Variants in DOCK9 observed in about 807,000 individuals in gnomAD.
DOCK9 encodes dedicator of cytokinesis protein 9.
A neutral mutation model predicts 263.3 loss-of-function variants in DOCK9; 89 were observed. The ratio of observed to expected loss-of-function variants is 0.34; its 90% CI spans 0.28 to 0.40. DOCK9 has a LOEUF of 0.40. Ranked by LOEUF, DOCK9 falls within the 10% of genes least tolerant of loss-of-function variation. The pLI is 1.00. For synonymous variants in DOCK9, 976 were observed against 973.1 expected (o/e 1.00, Z -0.06); for missense variants, 2,140 against 2,603.4 (o/e 0.82, Z 3.87).
chr13:98,968,603 G>A (rs2141280772), intron 1 of DOCK9, among the ~76,000 whole-genome samples: 1 of 152,326 alleles, frequency 6.6e-6, no homozygotes, highest in Non-Finnish European at 1.5e-5. Flanking sequence ...CTGGGTGACA[G>A]AGCAAGACTC....
chr13:99,066,975 G>T (rs1405748583), intron 1 of DOCK9, among the ~76,000 whole-genome samples: 1 of 152,212 alleles, frequency 6.6e-6, no homozygotes, highest in Admixed American at 6.5e-5. Context: ...CAAAAGGAGT[G>T]TAATAGATAA....
chr13:98,996,958 T>A (rs150289509), intron 1 of DOCK9, among the ~76,000 whole-genome samples: 2 of 152,334 alleles, frequency 1.3e-5, no homozygotes, highest in Admixed American at 6.5e-5. Flanking sequence ...GTCCAATCGG[T>A]ACTCATTCCT....
At chr13:98,823,825 G>A (rs866489857) in intron 45 of DOCK9, among the ~76,000 whole-genome samples, 10 of 152,176 alleles carry the variant, frequency 6.6e-5, no homozygotes, top group South Asian at 2.1e-4. Flanking sequence ...ACATTGCTAC[G>A]GTGATCTAAT....
In DOCK9 at chr13:98,884,148, G is replaced by A. The variant is rs1000389938; in HGVS notation, c.2383-249C>T. On this transcript the variant is annotated intron_variant, in intron 21 of 52. Transcript: ENST00000682017. ...TTTCTGTTTCTTTGCAGCTGTGTGA[G>A]TTATTGTTCATTTGAGAGGGAAAGA... Among the ~76,000 whole-genome samples, 5 of 152,322 alleles carry A rather than the reference G, an allele frequency of 3.3e-5. 1 individual carries two copies. The highest frequency in any genetic ancestry group is 3.3e-4 in the Admixed American group (5 of 15,294).
At chr13:99,064,693 G>C (rs186892428) in intron 1 of DOCK9, among the ~76,000 whole-genome samples, 164 of 152,302 alleles carry the variant, frequency 1.1e-3, no homozygotes, top group Admixed American at 2.2e-3. Context: ...GCATGGAAAG[G>C]ACATTCCTGA....
intron 1 of DOCK9, chr13:99,015,510 G>A: frequency 6.3e-7 from 1 of 1,598,022 alleles, no homozygotes. Context: ...TATATTCAAG[G>A]GCATTATTCT....
At chr13:98,877,164 A>C (rs2043988806) in intron 27 of DOCK9, among the ~76,000 whole-genome samples, 1 of 152,202 alleles carries the variant, frequency 6.6e-6, no homozygotes, top group South Asian at 2.1e-4. Flanking sequence ...GGACTCTGCC[A>C]CAAGTTCTTG....
At chr13:98,822,826 T>C (rs2092350342) in intron 45 of DOCK9, among the ~76,000 whole-genome samples, 1 of 152,242 alleles carries the variant, frequency 6.6e-6, no homozygotes, top group African/African-American at 2.4e-5. Context: ...TCTTAATATT[T>C]AAACATGAAG....
At chr13:98,809,557 T>C (rs2091099701) in intron 46 of DOCK9, 92 bp from the exon 47 acceptor site, 1 of 1,026,688 alleles carries the variant, frequency 9.7e-7, no homozygotes, top group Non-Finnish European at 1.4e-6. Context: ...TGAAAAGTCC[T>C]TGAACTTGAA....
chr13:98,803,938 ATTTT>A (rs34751334), intron 49 of DOCK9, among the ~76,000 whole-genome samples: 6 of 142,358 alleles, frequency 4.2e-5, no homozygotes, highest in Non-Finnish European at 7.7e-5. Context: ...AAAAACCTGT[ATTTT>A]TTTTTTTTTT....
chr13:99,015,097 T>C (rs534263391), intron 1 of DOCK9, among the ~76,000 whole-genome samples: 23 of 152,332 alleles, frequency 1.5e-4, no homozygotes, highest in Admixed American at 1.2e-3. Context: ...TAATTCACTA[T>C]AACTGGGAGA....
chr13:98,992,271 AG>A (rs1236130364), intron 1 of DOCK9, among the ~76,000 whole-genome samples: 1 of 152,004 alleles, frequency 6.6e-6, no homozygotes, highest in Non-Finnish European at 1.5e-5. Flanking sequence ...TCATTTAGAG[AG>A]CTTGTTAAAA....
rs972282211 is a variant in DOCK9, at chr13:99,086,387, CCGCGGCCCGGCCCGGCCG to C, written c.-54_-37del. ...CCGCCGCCTCCGCCTCCGCCTGCTC[CCGCGGCCCGGCCCGGCCG>C]CGCGGCCGCCAGGTGCGCCCTCGGC... On this transcript the variant is annotated 5_prime_UTR_variant, in exon 1 of 33. Coordinates refer to the DOCK9 transcript ENST00000427887. 2.8e-4 allele frequency: 316 copies of C among 1,119,518 alleles called. 2 individuals carry two copies. Among genetic ancestry groups the C allele is most frequent in the Non-Finnish European group, 9.0e-5 (82 of 916,040 alleles). 69.3% of individuals were successfully genotyped at this position (1,119,518 alleles called of 1,614,324 possible).
At chr13:98,918,546 C>T (rs1003185536) in intron 7 of DOCK9, among the ~76,000 whole-genome samples, 3 of 151,818 alleles carry the variant, frequency 2.0e-5, no homozygotes, top group Admixed American at 2.0e-4. Flanking sequence ...AAGAGAAGAC[C>T]ACAAAGAACA....
chr13:98,796,542 G>A (rs2089435769), intron 52 of DOCK9, among the ~76,000 whole-genome samples: 1 of 152,192 alleles, frequency 6.6e-6, no homozygotes, highest in Non-Finnish European at 1.5e-5. Flanking sequence ...CCCACACATA[G>A]AATCCTACTG....
In DOCK9 at chr13:98,855,842, T is replaced by C. The variant is rs2141692940; in HGVS notation, c.3831+56A>G. The stretch of plus-strand genomic sequence containing the variant: ...GCACTAGAACATGAAGTACGTTTAC[T>C]TTGGGCTAAATCCATTGATTATAAG... On this transcript the variant is annotated intron_variant, in intron 34 of 52. Transcript: ENST00000682017. The C allele has an allele frequency of 1.9e-6, 3 of 1,600,942 alleles. No homozygotes were observed. The East Asian group carries it at 6.7e-5, about 36-fold the overall frequency.
At chr13:98,945,232 T>G (rs988683882) in intron 2 of DOCK9, among the ~76,000 whole-genome samples, 3 of 152,252 alleles carry the variant, frequency 2.0e-5, no homozygotes, top group Non-Finnish European at 4.4e-5. Flanking sequence ...TATATCTGAT[T>G]GACGTTTAGT....
At chr13:99,051,250 G>A (rs2040681704) in intron 1 of DOCK9, among the ~76,000 whole-genome samples, 1 of 152,152 alleles carries the variant, frequency 6.6e-6, no homozygotes, top group Non-Finnish European at 1.5e-5. Context: ...TTGACACTGT[G>A]AGCTCTTCAG....
chr13:98,991,438 A>T (rs1485066695), intron 1 of DOCK9, among the ~76,000 whole-genome samples: 1 of 152,212 alleles, frequency 6.6e-6, no homozygotes, highest in Non-Finnish European at 1.5e-5. Flanking sequence ...TATGGTAGCC[A>T]CTAGCCACAC....
Sources: allele counts gnomAD v4.1 joint callset (sites outside exome capture counted in the v4.1 genomes callset), GRCh38; gene constraint gnomAD v4.1.1; transcripts MANE v1.5; gene names NCBI Gene and HGNC (gene_info 2026-07-23, HGNC 2026-07-21).